DNAH14: variants seen among roughly 807,000 people sequenced by gnomAD.
DNAH14 encodes dynein axonemal heavy chain 14.
Under a neutral mutation model 520.9 loss-of-function variants are expected in DNAH14, and 478 were observed. That is an observed-to-expected ratio of 0.92 (90% CI 0.85 to 0.99). The LOEUF (loss-of-function observed/expected upper bound fraction) is 0.99, where lower values mean the gene tolerates loss of function less well. Ranked by LOEUF, DNAH14 falls within the 50% of genes least tolerant of loss-of-function variation. The pLI, the probability that DNAH14 is intolerant of heterozygous loss-of-function variation, is 0.00. For missense variants in DNAH14, 4,831 were observed against 5,234.5 expected, an observed-to-expected ratio of 0.92 and a Z score of 2.38; for synonymous variants, 1,581 against 1,757.2, an observed-to-expected ratio of 0.90 and a Z score of 2.51.
intron 34 of DNAH14, among the ~76,000 whole-genome samples, 170 bp downstream of exon 34, chr1:225,153,996 C>T (rs1416179680): frequency 6.6e-6 from 1 of 151,672 alleles, no homozygotes; most frequent in Admixed American, 6.6e-5. Flanking sequence ...AGAAAAAATG[C>T]ACAAAATCGG....
At chr1:225,167,458 A>G (rs1355835066) in intron 35 of DNAH14, among the ~76,000 whole-genome samples, 2 of 152,224 alleles carry the variant, frequency 1.3e-5, no homozygotes, top group Non-Finnish European at 2.9e-5. Flanking sequence ...TTAACTTATA[A>G]CCACATCATG....
intron 41 of DNAH14, 37 bp from the exon 42 acceptor site, chr1:225,231,036 G>A (rs2091056070): frequency 1.4e-6 from 2 of 1,475,012 alleles, no homozygotes; most frequent in Non-Finnish European, 1.8e-6. Context: ...TTTTAGGTCT[G>A]TTGTTAATTA....
At chr1:225,143,142 A>G (rs2079603990) in intron 28 of DNAH14, among the ~76,000 whole-genome samples, 1 of 152,080 alleles carries the variant, frequency 6.6e-6, no homozygotes, top group Non-Finnish European at 1.5e-5. Flanking sequence ...CTAAGGGTGC[A>G]GTGAACTGAG....
intron 41 of DNAH14, among the ~76,000 whole-genome samples, chr1:225,230,192 A>G (rs2090967984): frequency 6.6e-6 from 1 of 152,142 alleles, no homozygotes; most frequent in Non-Finnish European, 1.5e-5. Flanking sequence ...TAATCATAAA[A>G]CAACAATTAT....
intron 36 of DNAH14, among the ~76,000 whole-genome samples, chr1:225,169,665 T>C (rs990254262): frequency 2.6e-5 from 4 of 152,186 alleles, no homozygotes; most frequent in East Asian, 1.9e-4. Context: ...CTGAAAGTGA[T>C]GGGGAGAATG....
chr1:225,144,720 T>C (rs898480580), intron 29 of DNAH14, 92 bp downstream of exon 29: 3 of 1,012,914 alleles, frequency 3.0e-6, no homozygotes, highest in Admixed American at 5.2e-5. Flanking sequence ...TTCCTGCTAT[T>C]AAGATGTTCA....
chr1:225,365,695 C>G (rs889765708), intron 76 of DNAH14, among the ~76,000 whole-genome samples: 27 of 151,828 alleles, frequency 1.8e-4, no homozygotes, highest in Non-Finnish European at 3.5e-4. Context: ...GTCTGAGACT[C>G]GAAAGATTCC....
At chr1:225,364,760 A>G in intron 75 of DNAH14, 32 bp from the exon 76 acceptor site, 1 of 1,446,794 alleles carries the variant, frequency 6.9e-7, no homozygotes, top group Non-Finnish European at 9.3e-7. Flanking sequence ...CATTTTTCAC[A>G]TTAAAATATT....
At position 225,307,575 on chromosome 1, in the gene DNAH14, T is replaced by C. The variant is rs1424527677; in HGVS notation, c.9114+6T>C. 1 of 1,527,588 alleles carries C rather than the reference T, an allele frequency of 6.5e-7. No individual in the cohort carries two copies. The highest frequency in any genetic ancestry group is 8.8e-7 in the Non-Finnish European group (1 of 1,138,782). 94.6% of individuals were successfully genotyped at this position (1,527,588 alleles called of 1,614,324 possible). The stretch of plus-strand genomic sequence containing the variant: ...AAGTAGAACAAAAAACAAAGGTATG[T>C]TTGCTTTGAAATCTCTTTTAAAGAT... On this transcript the variant is annotated splice_donor_region_variant and intron_variant, in intron 59 of 85. Coordinates refer to ENST00000682510, the MANE Select transcript of DNAH14 (RefSeq NM_001367479.1).
At chr1:225,323,228 T>G (rs192176635) in intron 62 of DNAH14, among the ~76,000 whole-genome samples, 1 of 152,158 alleles carries the variant, frequency 6.6e-6, no homozygotes, top group African/African-American at 2.4e-5. Context: ...ATATGCCGCC[T>G]GGGGGACAGA....
At chr1:225,334,600 T>C (rs1006653492) in intron 66 of DNAH14, among the ~76,000 whole-genome samples, 1 of 152,084 alleles carries the variant, frequency 6.6e-6, no homozygotes, top group Non-Finnish European at 1.5e-5. Context: ...AAGAGTAAGA[T>C]TAATTTTCCT....
intron 36 of DNAH14, among the ~76,000 whole-genome samples, chr1:225,177,480 A>G (rs560278546): frequency 6.6e-6 from 1 of 152,288 alleles, no homozygotes; most frequent in Non-Finnish European, 1.5e-5. Context: ...CACTGGGGAA[A>G]ATGTCTCCAG....
At chr1:225,337,842 G>A (rs1238605168) in intron 67 of DNAH14, among the ~76,000 whole-genome samples, 3 of 152,184 alleles carry the variant, frequency 2.0e-5, no homozygotes, top group African/African-American at 4.8e-5. Flanking sequence ...CCATCCCCTC[G>A]AGCATTATCT....
At chr1:225,323,047 A>C (rs2094584929) in intron 62 of DNAH14, among the ~76,000 whole-genome samples, 1 of 152,194 alleles carries the variant, frequency 6.6e-6, no homozygotes, top group Admixed American at 6.5e-5. Context: ...GTAGATGAGA[A>C]ATACTGTATA....
At chr1:225,121,826 G>T (rs140860905) in intron 26 of DNAH14, among the ~76,000 whole-genome samples, 2 of 151,866 alleles carry the variant, frequency 1.3e-5, no homozygotes, top group Middle Eastern at 6.8e-3. Flanking sequence ...GGGTGACAGA[G>T]CGAGACTCCA....
At chr1:225,225,831 C>T (rs1172931488) in intron 41 of DNAH14, among the ~76,000 whole-genome samples, 1 of 152,102 alleles carries the variant, frequency 6.6e-6, no homozygotes. Flanking sequence ...GATTCCAGCA[C>T]AATGCATAAA....
At chr1:225,263,071 A>C (rs2092992157) in intron 46 of DNAH14, among the ~76,000 whole-genome samples, 1 of 151,880 alleles carries the variant, frequency 6.6e-6, no homozygotes, top group South Asian at 2.1e-4. Flanking sequence ...TAAGTTCCCA[A>C]GCCTGTTAAA....
At chr1:225,098,002 G>C (rs910115288) in intron 22 of DNAH14, among the ~76,000 whole-genome samples, 1 of 152,054 alleles carries the variant, frequency 6.6e-6, no homozygotes, top group African/African-American at 2.4e-5. Context: ...GCCATCTTGG[G>C]CAACACAGGG....
At chr1:225,129,871 G>A (rs1454477314) in intron 27 of DNAH14, among the ~76,000 whole-genome samples, 1 of 152,164 alleles carries the variant, frequency 6.6e-6, no homozygotes, top group African/African-American at 2.4e-5. Context: ...TACCATCAGA[G>A]TGAATAGGCA....
Sources: allele counts gnomAD v4.1 joint callset (sites outside exome capture counted in the v4.1 genomes callset), GRCh38; gene constraint gnomAD v4.1.1; transcripts MANE v1.5; gene names NCBI Gene and HGNC (gene_info 2026-07-23, HGNC 2026-07-21).